TRRAP: variants seen among roughly 807,000 people sequenced by gnomAD.
TRRAP encodes transformation/transcription domain-associated protein.
In TRRAP, 41 loss-of-function variants were observed where a neutral mutation model predicts 438.8. The ratio of observed to expected loss-of-function variants is 0.09; its 90% CI spans 0.07 to 0.12. TRRAP has a LOEUF of 0.12. Among genes scored for constraint, TRRAP ranks in the 10% least tolerant of loss-of-function variants. The probability of loss-of-function intolerance (pLI) is 1.00; values close to 1 mark genes in which losing one functional copy is unlikely to be tolerated. For synonymous variants in TRRAP, 1,994 were observed against 1,962.9 expected (o/e 1.02, Z -0.42); for missense variants, 3,122 against 5,055.1 (o/e 0.62, Z 11.60).
In TRRAP at chr7:98,943,140, G is replaced by T. The variant is rs1338461080; in HGVS notation, c.4473+123G>T. ...CTAGTTTGACGTGATTGTAGTCCTTGTAAATTGTTAAACACATTTGATTGG... is the reference window on the plus strand; with the variant it reads ...CTAGTTTGACGTGATTGTAGTCCTTTTAAATTGTTAAACACATTTGATTGG... On this transcript the variant is annotated intron_variant, in intron 31 of 72. Coordinates refer to ENST00000456197, the MANE Select transcript of TRRAP (RefSeq NM_001375524.1). 6.3e-6 allele frequency: 6 copies of T among 944,950 alleles called. No homozygotes were observed. In the Admixed American group the frequency reaches 7.2e-5, roughly 11 times the overall value. 58.5% of individuals were successfully genotyped at this position (944,950 alleles called of 1,614,324 possible). A position where few individuals can be genotyped will look rare whatever the true frequency, so the allele number is the denominator to read the frequency against.
intron 58 of TRRAP, 121 bp downstream of exon 58, chr7:98,979,025 A>G: frequency 7.8e-7 from 1 of 1,289,654 alleles, no homozygotes; most frequent in South Asian, 1.3e-5. Context: ...GCTTTTGGGA[A>G]GGAAAGGTTC....
At chr7:98,922,682 T>C (rs1314627978) in intron 21 of TRRAP, among the ~76,000 whole-genome samples, 1 of 152,168 alleles carries the variant, frequency 6.6e-6, no homozygotes, top group Non-Finnish European at 1.5e-5. Flanking sequence ...TTTTTAAGGA[T>C]ATTATCGTAA....
intron 27 of TRRAP, among the ~76,000 whole-genome samples, chr7:98,935,061 G>GTAAAATATC (rs1790497808): frequency 6.6e-6 from 1 of 152,064 alleles, no homozygotes; most frequent in Non-Finnish European, 1.5e-5. Flanking sequence ...ATCTACTTGT[G>GTAAAATATC]TGGTAAAATA....
chr7:98,967,704 A>G lies in TRRAP; in HGVS notation c.7512+6A>G, dbSNP rs1792217332. The G allele has an allele frequency of 1.9e-6, 3 of 1,612,090 alleles. No individual in the cohort carries two copies. The highest frequency in any genetic ancestry group is 3.3e-4 in the Middle Eastern group (2 of 5,982). On this transcript the variant is annotated splice_donor_region_variant and intron_variant, in intron 51 of 72. Coordinates refer to ENST00000456197, the MANE Select transcript of TRRAP (RefSeq NM_001375524.1). The stretch of plus-strand genomic sequence containing the variant: ...GGATCAAGCAGTGCATTGAGGTAGG[A>G]AGACTCGGCTCACATCTGTGGCCGG...
chr7:98,963,135 C>T (rs1404951123), intron 47 of TRRAP, among the ~76,000 whole-genome samples: 1 of 152,228 alleles, frequency 6.6e-6, no homozygotes. Context: ...TCTATACACA[C>T]GTATACAAAT....
Position 98,950,049 on chromosome 7 carries a change from C to G in TRRAP, c.5136-15C>G. On this transcript the variant is annotated splice_polypyrimidine_tract_variant and intron_variant, in intron 37 of 72. Coordinates refer to ENST00000456197, the MANE Select transcript of TRRAP (RefSeq NM_001375524.1). ...TTGCTCTAAGTTAACCTGTCTTCTT[C>G]TTTTGACCCTCCAGAAGGAATTACG... 6.2e-7 allele frequency: 1 copy of G among 1,613,864 alleles called. No individual in the cohort carries two copies. Among genetic ancestry groups the G allele is most frequent in the South Asian group, 1.1e-5 (1 of 91,028 alleles).
chr7:98,950,955 A>G lies in TRRAP; in HGVS notation c.5414A>G (p.Asn1805Ser), dbSNP rs148138276. 11 of 1,610,928 alleles carry G rather than the reference A, an allele frequency of 6.8e-6. No individual in the cohort carries two copies. The highest frequency in any genetic ancestry group is 8.5e-6 in the Non-Finnish European group (10 of 1,178,952). The change falls in exon 39 of 73, where the codon AAT (asparagine) becomes AGT (serine). Residue 1805 changes from asparagine to serine, a missense_variant. Asn to Ser is a conservative substitution (Grantham distance 46). Around this residue, in one of 24 missense-constraint regions of TRRAP, gnomAD observed 272 missense variants for 348.5 expected, o/e 0.78. Transcript: ENST00000456197. ...GGAGAGCAGCTCTTGGGACCTCCCA[A>G]TCCAGAAGGAGATAACCCAGAAAGC... ...GEGEQLLGPPNPEGDNPESIT... is the reference protein window; with the variant it reads ...GEGEQLLGPPSPEGDNPESIT...
At chr7:98,892,796 G>A (rs186171567) in intron 5 of TRRAP, among the ~76,000 whole-genome samples, 199 of 152,290 alleles carry the variant, frequency 1.3e-3, no homozygotes, top group African/African-American at 4.2e-3. Flanking sequence ...GCCGGGTGCG[G>A]GCCCGCAGAC....
intron 60 of TRRAP, 119 bp downstream of exon 60, chr7:98,983,578 T>C (rs1041633105): frequency 3.6e-5 from 41 of 1,142,940 alleles, no homozygotes; most frequent in Non-Finnish European, 4.9e-5. Context: ...CCAGGTTTTC[T>C]ATTTTGGGGT....
At position 98,962,302 on chromosome 7, in the gene TRRAP, G is replaced by T; in HGVS notation, c.6704G>T (p.Ser2235Ile). 1 of 1,614,162 alleles carries T rather than the reference G, an allele frequency of 6.2e-7. No individual in the cohort carries two copies. Among genetic ancestry groups the T allele is most frequent in the Non-Finnish European group, 8.5e-7 (1 of 1,180,014 alleles). ...TGCCTGGGTCCCTGCCCTGTTGTAG[G>T]TACTTCCAGTGTGGCCTCCAAATAT... The part of the protein sequence containing the change: ...RLMSIFPTEP[S>I]TSSVASKYEE... The change falls in exon 47 of 73, where the codon AGT (serine) becomes ATT (isoleucine). Residue 2235 changes from serine (S) to isoleucine (I), a missense_variant and splice_region_variant. Coordinates refer to ENST00000456197, the MANE Select transcript of TRRAP (RefSeq NM_001375524.1).
chr7:98,959,943 AAAAAAAAAAAAG>A lies in TRRAP; in HGVS notation c.6489+459_6489+470del, dbSNP rs1215461709. On this transcript the variant is annotated intron_variant, in intron 45 of 72. Transcript: ENST00000456197. ...AAGCAAGACCTGGTCTCTTAAAAAA[AAAAAAAAAAAAG>A]AAAAAGAAAAGAAAAGAAAGAATGG... Among the ~76,000 whole-genome samples the A allele has an allele frequency of 2.7e-3, 413 of 150,182 alleles. 4 individuals carry two copies. Among genetic ancestry groups the A allele is most frequent in the African/African-American group, 7.5e-3 (305 of 40,628 alleles).
intron 58 of TRRAP, among the ~76,000 whole-genome samples, chr7:98,980,727 A>C (rs753773688): frequency 6.6e-6 from 1 of 152,260 alleles, no homozygotes; most frequent in African/African-American, 2.4e-5. Context: ...TTAATTTCCC[A>C]GGATAACAAT....
At chr7:98,991,868 G>A (rs1024798060) in intron 64 of TRRAP, among the ~76,000 whole-genome samples, 3 of 152,210 alleles carry the variant, frequency 2.0e-5, no homozygotes, top group Non-Finnish European at 2.9e-5. Context: ...GAAGGAAAGC[G>A]TGGTTTCCCT....
chr7:98,946,590 T>A (rs1338408897), intron 33 of TRRAP, among the ~76,000 whole-genome samples: 2 of 145,434 alleles, frequency 1.4e-5, no homozygotes, highest in African/African-American at 5.1e-5. Flanking sequence ...ACACCACATA[T>A]GCACACAACA....
Position 98,976,060 on chromosome 7 carries a change from T to A in TRRAP, c.7840-89T>A. The stretch of plus-strand genomic sequence containing the variant: ...AAAGTGGAGGAGCATCGGTAATGTA[T>A]GAGACAGATCATGGGTGTCTTCTGA... On this transcript the variant is annotated intron_variant, in intron 53 of 72. Coordinates refer to ENST00000456197, the MANE Select transcript of TRRAP (RefSeq NM_001375524.1). The surrounding 1 kb of genome is among the most constrained non-coding windows in gnomAD (Gnocchi z 4.6). 1 of 1,505,756 alleles carries A rather than the reference T, an allele frequency of 6.6e-7. No individual in the cohort carries two copies. Among genetic ancestry groups the A allele is most frequent in the Admixed American group, 1.9e-5 (1 of 52,438 alleles). 93.3% of individuals were successfully genotyped at this position (1,505,756 alleles called of 1,614,324 possible).
chr7:98,939,696 C>A (rs1275337215), intron 30 of TRRAP, among the ~76,000 whole-genome samples: 1 of 152,186 alleles, frequency 6.6e-6, no homozygotes, highest in Non-Finnish European at 1.5e-5. Flanking sequence ...AATCAGAGCT[C>A]ATCCAATAAA....
chr7:98,933,280 C>A lies in TRRAP; in HGVS notation c.3892C>A (p.Arg1298=). ...GGTCCCCCCTAAGAAGCACCTGCTC[C>A]GACACCAGCCTGCCAACGCACAGAT... ...DMVPPKKHLL[R]HQPANAQIGL... The change falls in exon 27 of 73, where the codon CGA becomes AGA. Residue 1298 remains arginine (R), a synonymous_variant. Coordinates refer to ENST00000456197, the MANE Select transcript of TRRAP (RefSeq NM_001375524.1). 1 of 1,613,960 alleles carries A rather than the reference C, an allele frequency of 6.2e-7. No individual in the cohort carries two copies.
chr7:98,882,143 T>G, intron 3 of TRRAP, 119 bp downstream of exon 3: 1 of 897,166 alleles, frequency 1.1e-6, no homozygotes. Context: ...GTTCAAGTAA[T>G]TTAGTATATT....
chr7:98,987,049 C>G (rs540867707), intron 62 of TRRAP, among the ~76,000 whole-genome samples: 3 of 152,274 alleles, frequency 2.0e-5, no homozygotes, highest in African/African-American at 7.2e-5. Flanking sequence ...CTTTGGGAGG[C>G]TGAGGTGGGA....
Sources: allele counts gnomAD v4.1 joint callset (sites outside exome capture counted in the v4.1 genomes callset), GRCh38; gene constraint gnomAD v4.1.1; regional missense constraint gnomAD v4.1.1; non-coding constraint Gnocchi (gnomAD v3.1); transcripts MANE v1.5; gene names NCBI Gene and HGNC (gene_info 2026-07-23, HGNC 2026-07-21).